GULP1: variants seen among roughly 807,000 people sequenced by gnomAD.
GULP1 encodes the protein GULP PTB domain containing engulfment adaptor 1.
Under a neutral mutation model 40.9 loss-of-function variants are expected in GULP1, and 19 were observed. That is an observed-to-expected ratio of 0.46 (90% confidence interval 0.32 to 0.68). GULP1 has a LOEUF of 0.68. Ranked by LOEUF, GULP1 falls within the 30% of genes least tolerant of loss-of-function variation. GULP1 has a pLI of 0.03. For synonymous variants in GULP1, 119 were observed against 117.6 expected (o/e 1.01, Z -0.08); for missense variants, 312 against 362.2 (o/e 0.86, Z 1.12).
chr2:188,366,661 C>T (rs1449654859), intron 1 of GULP1, among the ~76,000 whole-genome samples: 4 of 144,790 alleles, frequency 2.8e-5, no homozygotes, highest in East Asian at 2.1e-4. Context: ...GGCGCGATCT[C>T]GGCTCACTTG....
intron 1 of GULP1, among the ~76,000 whole-genome samples, chr2:188,334,637 A>G (rs1300191608): frequency 6.6e-6 from 1 of 152,222 alleles, no homozygotes; most frequent in Non-Finnish European, 1.5e-5. Flanking sequence ...CAGCATTTGT[A>G]TCAGGTAGAA....
intron 7 of GULP1, among the ~76,000 whole-genome samples, chr2:188,544,697 G>A (rs962359019): frequency 1.1e-4 from 16 of 151,868 alleles, no homozygotes; most frequent in Non-Finnish European, 1.9e-4. Context: ...ACAAGACAAA[G>A]ATTATAGACT....
chr2:188,371,490 G>A (rs550007020), intron 1 of GULP1, among the ~76,000 whole-genome samples: 1 of 152,226 alleles, frequency 6.6e-6, no homozygotes, highest in Admixed American at 6.5e-5. Context: ...GACCTTGGCT[G>A]TGGTGCTACT....
intron 2 of GULP1, among the ~76,000 whole-genome samples, chr2:188,412,760 G>C (rs934873263): frequency 6.6e-6 from 1 of 152,100 alleles, no homozygotes; most frequent in African/African-American, 2.4e-5. Flanking sequence ...AATGAATTAA[G>C]CTATTTTAGT....
At chr2:188,513,916 T>C (rs1481106350) in intron 4 of GULP1, among the ~76,000 whole-genome samples, 2 of 152,166 alleles carry the variant, frequency 1.3e-5, no homozygotes, top group Non-Finnish European at 2.9e-5. Flanking sequence ...ACAGGGCTAC[T>C]GTCTGTGTGG....
chr2:188,355,497 C>T (rs529568980), intron 1 of GULP1, among the ~76,000 whole-genome samples: 215 of 151,980 alleles, frequency 1.4e-3, no homozygotes, highest in African/African-American at 5.1e-3. Flanking sequence ...TAGAAAACTT[C>T]AGCAGACCAA....
intron 7 of GULP1, among the ~76,000 whole-genome samples, chr2:188,561,983 G>A (rs2153413475): frequency 6.6e-6 from 1 of 152,306 alleles, no homozygotes; most frequent in East Asian, 1.9e-4. Flanking sequence ...TACAGCCAAT[G>A]CCTTGCTTGT....
chr2:188,427,085 G>A (rs1257110704), intron 2 of GULP1, among the ~76,000 whole-genome samples: 3 of 152,158 alleles, frequency 2.0e-5, no homozygotes, highest in Non-Finnish European at 4.4e-5. Flanking sequence ...GAACTTACGA[G>A]TGATGATTTA....
At chr2:188,476,514 G>C (rs2061024477) in intron 2 of GULP1, among the ~76,000 whole-genome samples, 1 of 151,458 alleles carries the variant, frequency 6.6e-6, no homozygotes, top group South Asian at 2.1e-4. Flanking sequence ...AGGTCTCTAG[G>C]TTATCAAGGA....
At chr2:188,566,881 C>G (rs1465335670) in intron 7 of GULP1, among the ~76,000 whole-genome samples, 2 of 148,800 alleles carry the variant, frequency 1.3e-5, no homozygotes, top group Non-Finnish European at 3.0e-5. Flanking sequence ...AAAAATCCAA[C>G]CATCTGACAA....
At chr2:188,530,018 G>A (rs1378083666) in intron 6 of GULP1, among the ~76,000 whole-genome samples, 4 of 152,132 alleles carry the variant, frequency 2.6e-5, no homozygotes, top group African/African-American at 9.7e-5. Context: ...CAGACTCAAA[G>A]GTGACAACTC....
rs796535604 is a variant in GULP1 at position 188,585,716 on chromosome 2, G to T, written c.748+1313G>T. On this transcript the variant is annotated intron_variant, in intron 10 of 11. Coordinates refer to ENST00000409830, the MANE Select transcript of GULP1 (RefSeq NM_016315.4). The stretch of plus-strand genomic sequence containing the variant: ...CAGCAGGGCCCTGGGCTTGGCCCAC[G>T]AAACCATTTTTTCCTCTTAGGCCTC... 1.3e-4 allele frequency among the ~76,000 whole-genome samples: 20 copies of T among 152,296 alleles called. 1 individual carries two copies. The highest frequency in any genetic ancestry group is 4.8e-4 in the African/African-American group (20 of 41,574).
At chr2:188,587,808 G>T in intron 10 of GULP1, 47 bp from the exon 11 acceptor site, 2 of 1,009,046 alleles carry the variant, frequency 2.0e-6, no homozygotes, top group Non-Finnish European at 3.1e-6. Flanking sequence ...ACTAACTCCA[G>T]CTCACTTCTT....
At chr2:188,334,938 C>T (rs926989574) in intron 1 of GULP1, among the ~76,000 whole-genome samples, 4 of 152,088 alleles carry the variant, frequency 2.6e-5, no homozygotes, top group Non-Finnish European at 5.9e-5. Flanking sequence ...AAATGAAAAA[C>T]GCTGCTTGGA....
chr2:188,323,275 A>G (rs762521270), intron 1 of GULP1, among the ~76,000 whole-genome samples: 9 of 151,670 alleles, frequency 5.9e-5, no homozygotes, highest in Non-Finnish European at 1.3e-4. Context: ...ATTGTATTTT[A>G]CTGTGTTGTA....
chr2:188,400,421 C>T (rs1460541482), intron 2 of GULP1, among the ~76,000 whole-genome samples: 1 of 152,164 alleles, frequency 6.6e-6, no homozygotes, highest in Non-Finnish European at 1.5e-5. Flanking sequence ...CACTATTGAA[C>T]TACCATAGTG....
intron 2 of GULP1, among the ~76,000 whole-genome samples, chr2:188,416,992 C>A (rs191453591): frequency 2.0e-5 from 3 of 152,236 alleles, no homozygotes; most frequent in African/African-American, 7.2e-5. Flanking sequence ...GGAAAATACT[C>A]TTTGTCTACA....
In GULP1 at chr2:188,582,612, G is replaced by T. The variant is rs561455967; in HGVS notation, c.610-1653G>T. 6.9e-5 allele frequency: 30 copies of T among 432,438 alleles called. No homozygotes were observed. The Admixed American group carries it at 7.3e-4, about 10-fold the overall frequency. The allele number at this position is 432,438 out of a possible 1,614,324, so 26.8% of individuals were successfully genotyped here. Reference sequence around the variant, plus strand: ...TCTTTTTTATTATCCCACTTATTTTGCTTAAATTCTGCCAAAATGTGCTAT... The same window carrying T: ...TCTTTTTTATTATCCCACTTATTTTTCTTAAATTCTGCCAAAATGTGCTAT... On this transcript the variant is annotated intron_variant, in intron 9 of 11. Coordinates refer to ENST00000409830, the MANE Select transcript of GULP1 (RefSeq NM_016315.4).
chr2:188,453,930 C>A (rs2059039719), intron 2 of GULP1, among the ~76,000 whole-genome samples: 2 of 152,214 alleles, frequency 1.3e-5, no homozygotes, highest in Non-Finnish European at 2.9e-5. Flanking sequence ...TTTCTTTCCA[C>A]TGCACTCTTG....
Sources: gnomAD v4.1 joint callset for allele counts (sites outside exome capture counted in the v4.1 genomes callset) on GRCh38, gnomAD v4.1.1 for gene constraint, MANE v1.5 for transcripts, NCBI Gene and HGNC (gene_info 2026-07-23, HGNC 2026-07-21) for gene names.